WDR62: variants seen among roughly 807,000 people sequenced by gnomAD.
WDR62 encodes the protein WD repeat domain 62, also known as WD repeat-containing protein 62.
Under a neutral mutation model 160.6 loss-of-function variants are expected in WDR62, and 112 were observed. The ratio of observed to expected loss-of-function variants is 0.70; its 90% CI spans 0.60 to 0.82. The LOEUF (loss-of-function observed/expected upper bound fraction) is 0.82, where lower values mean the gene tolerates loss of function less well. Among genes scored for constraint, WDR62 ranks in the 40% least tolerant of loss-of-function variants. WDR62 has a pLI of 0.00. For synonymous variants in WDR62, 792 were observed against 815.1 expected (o/e 0.97, Z 0.48); for missense variants, 1,819 against 1,983.8 (o/e 0.92, Z 1.58).
At chr19:36,072,033 C>G (rs79048689) in intron 8 of WDR62, among the ~76,000 whole-genome samples, 1 of 152,190 alleles carries the variant, frequency 6.6e-6, no homozygotes, top group Non-Finnish European at 1.5e-5. Context: ...ATGGCTGACC[C>G]CTACTAAGTG....
chr19:36,096,481 G>A (rs942150776), intron 20 of WDR62, among the ~76,000 whole-genome samples: 24 of 151,962 alleles, frequency 1.6e-4, no homozygotes, highest in Non-Finnish European at 3.1e-4. Flanking sequence ...CGAGGCGAGC[G>A]GATCACGAGT....
At chr19:36,094,687 C>T (rs7260609) in intron 20 of WDR62, among the ~76,000 whole-genome samples, 43,157 of 150,944 alleles carry the variant, frequency 0.29, 6,409 homozygotes, top group Non-Finnish European at 0.33. Context: ...GCCAGGAGGT[C>T]GAGACCAGCC....
intron 22 of WDR62, among the ~76,000 whole-genome samples, chr19:36,100,356 C>CT (rs1204232016): frequency 9.2e-5 from 14 of 152,200 alleles, no homozygotes; most frequent in Non-Finnish European, 1.5e-4. Context: ...GATGAACTAT[C>CT]TGTGTAATTC....
At chr19:36,086,664 A>G in intron 12 of WDR62, 23 bp from the exon 13 acceptor site, 1 of 1,590,448 alleles carries the variant, frequency 6.3e-7, no homozygotes, top group Non-Finnish European at 8.6e-7. Context: ...TTCAGGAACC[A>G]GTCTCATTCT....
intron 24 of WDR62, 35 bp downstream of exon 24, chr19:36,101,352 C>A: frequency 6.4e-7 from 1 of 1,562,924 alleles, no homozygotes; most frequent in South Asian, 1.1e-5. Context: ...CTGTGACAGT[C>A]TGTGCGTTCA....
At chr19:36,082,929 A>T in intron 10 of WDR62, 134 bp from the exon 11 acceptor site, 2 of 756,670 alleles carry the variant, frequency 2.6e-6, no homozygotes, top group South Asian at 1.5e-5. Flanking sequence ...GGAAATAATT[A>T]TTCTGATTGG....
At position 36,102,842 on chromosome 19, in the gene WDR62, A is replaced by G. The variant is rs376398137; in HGVS notation, c.3326A>G (p.Lys1109Arg). 4.3e-6 allele frequency: 7 copies of G among 1,614,082 alleles called. No homozygotes were observed. The highest frequency in any genetic ancestry group is 1.3e-5 in the African/African-American group (1 of 74,934). The change falls in exon 27 of 32, where the codon AAG becomes AGG. Residue 1109 changes from lysine (K) to arginine (R), a missense_variant. Lys to Arg is a conservative substitution (Grantham distance 26). This residue lies in a region of WDR62 where 770 missense variants were observed against 734.2 expected (regional missense o/e 1.05). Coordinates refer to ENST00000401500, the MANE Select transcript of WDR62 (RefSeq NM_001083961.2). ...ISTQFLSSLQ[K>R]ASRFTHTFPP... ...ACGCAGTTCCTCTCAAGCCTCCAGAAGGCATCCAGGTAGAAGCTGGCCAAG... is the reference window on the plus strand; with the variant it reads ...ACGCAGTTCCTCTCAAGCCTCCAGAGGGCATCCAGGTAGAAGCTGGCCAAG...
intron 9 of WDR62, among the ~76,000 whole-genome samples, chr19:36,074,731 A>G (rs1416580665): frequency 1.3e-5 from 2 of 152,162 alleles, no homozygotes; most frequent in Non-Finnish European, 2.9e-5. Context: ...TGTTGACAGC[A>G]CTTTTTTTCC....
In WDR62 at chr19:36,089,200, C is replaced by T. The variant is rs1972441075; in HGVS notation, c.1852C>T (p.His618Tyr). 3 of 1,614,092 alleles carry T rather than the reference C, an allele frequency of 1.9e-6. No homozygotes were observed. The highest frequency in any genetic ancestry group is 2.5e-6 in the Non-Finnish European group (3 of 1,180,034). The change falls in exon 15 of 32, where the codon CAC becomes TAC. Residue 618 changes from histidine to tyrosine, a missense_variant. Coordinates refer to ENST00000401500, the MANE Select transcript of WDR62 (RefSeq NM_001083961.2). ...RSAQQGSDGL[H>Y]FVRTHHVAEK... The stretch of plus-strand genomic sequence containing the variant: ...GCCCTGCCAGGGTTCGGATGGACTA[C>T]ACTTTGTCCGTACCCACCACGTAGC...
rs79806809 is a variant in WDR62 at position 36,072,135 on chromosome 19, C to G, written c.1043+419C>G. 7.2e-3 allele frequency among the ~76,000 whole-genome samples: 1,099 copies of G among 152,262 alleles called. 17 individuals carry two copies. Among genetic ancestry groups the G allele is most frequent in the African/African-American group, 0.026 (1,067 of 41,540 alleles). On this transcript the variant is annotated intron_variant, in intron 8 of 31. Transcript: ENST00000401500. The stretch of plus-strand genomic sequence containing the variant: ...GCCTCTCTGCAGTATAGCAAGGGGG[C>G]TCGATGATAAGCAAGTACACGAAAA...
intron 9 of WDR62, among the ~76,000 whole-genome samples, chr19:36,080,942 T>A (rs947269534): frequency 1.3e-5 from 2 of 152,220 alleles, no homozygotes; most frequent in African/African-American, 4.8e-5. Flanking sequence ...TGGGTTTTTT[T>A]ATTTTGTTTT....
At chr19:36,091,644 C>A (rs1972616025) in intron 18 of WDR62, among the ~76,000 whole-genome samples, 179 bp downstream of exon 18, 1 of 152,174 alleles carries the variant, frequency 6.6e-6, no homozygotes, top group Non-Finnish European at 1.5e-5. Flanking sequence ...CGCCTGTAAC[C>A]CCAGCACTTT....
chr19:36,109,062 C>T (rs1385673997), downstream of WDR62, among the ~76,000 whole-genome samples: 1 of 152,062 alleles, frequency 6.6e-6, no homozygotes, highest in Non-Finnish European at 1.5e-5. Context: ...AGAGAGCAAG[C>T]GGAAATGCAT....
chr19:36,058,320 C>T (rs2145512653), intron 1 of WDR62, among the ~76,000 whole-genome samples: 1 of 152,292 alleles, frequency 6.6e-6, no homozygotes, highest in South Asian at 2.1e-4. Context: ...CCACTGACTC[C>T]AGCCTGGGTG....
intron 30 of WDR62, 54 bp downstream of exon 30, chr19:36,104,035 T>C (rs964338081): frequency 1.3e-5 from 21 of 1,592,666 alleles, no homozygotes; most frequent in Non-Finnish European, 1.6e-5. Flanking sequence ...TGTGTGCTAG[T>C]TGGCTCAGCT....
At chr19:36,101,858 C>T (rs1973365388) in intron 25 of WDR62, 84 bp downstream of exon 25, 7 of 1,504,046 alleles carry the variant, frequency 4.7e-6, no homozygotes, top group South Asian at 1.2e-5. Flanking sequence ...AGGCCCTGCA[C>T]TTGGAGCCCA....
downstream of WDR62, among the ~76,000 whole-genome samples, chr19:36,107,605 A>T (rs935250097): frequency 6.6e-6 from 1 of 151,862 alleles, no homozygotes; most frequent in African/African-American, 2.4e-5. Context: ...TGGGAGACTC[A>T]TCTGGGGTCA....
chr19:36,104,841 T>A lies in WDR62; in HGVS notation c.4385T>A (p.Ile1462Asn), dbSNP rs1250460894. The change falls in exon 32 of 32, where the codon ATC becomes AAC. Residue 1462 changes from isoleucine to asparagine, a missense_variant. Physicochemically the swap from Ile to Asn is moderately radical, Grantham distance 149 (BLOSUM62 -3). Around this residue, in one of 3 missense-constraint regions of WDR62, gnomAD observed 770 missense variants for 734.2 expected, o/e 1.05. Transcript: ENST00000401500. ...GAGCTGGTCTCCACCTTCCTGTGGA[T>A]CCACAGCCAGCTGGAGGCTGAATGC... is the stretch of plus-strand genomic sequence containing the variant. The part of the protein sequence containing the change: ...RTELVSTFLW[I>N]HSQLEAECLV... 1 of 1,613,430 alleles carries A rather than the reference T, an allele frequency of 6.2e-7. No homozygotes were observed.
rs547026768 is a variant in WDR62 at position 36,089,371 on chromosome 19, C to T, written c.1958+65C>T. ...CTTGTCCTAGGCTGTCTGCTTTCCT[C>T]CCTCTGTTCCTCTGGTCCCCAAGAA... On this transcript the variant is annotated intron_variant, in intron 15 of 31. Transcript: ENST00000401500. 6 of 1,612,840 alleles carry T rather than the reference C, an allele frequency of 3.7e-6. No homozygotes were observed. The Admixed American group carries it at 6.7e-5, about 18-fold the overall frequency.
Sources: allele counts gnomAD v4.1 joint callset (sites outside exome capture counted in the v4.1 genomes callset), GRCh38; gene constraint gnomAD v4.1.1; regional missense constraint gnomAD v4.1.1; transcripts MANE v1.5; gene names NCBI Gene and HGNC (gene_info 2026-07-23, HGNC 2026-07-21).